Variants in RGS20 observed in about 807,000 individuals in gnomAD.
RGS20 encodes regulator of G protein signaling 20, also known as gz-selective GTPase-activating protein.
In RGS20, 30 loss-of-function variants were observed where a neutral mutation model predicts 33.6. That is an observed-to-expected ratio of 0.89 (90% CI 0.67 to 1.21). The LOEUF (loss-of-function observed/expected upper bound fraction) is 1.21. Among genes scored for constraint, RGS20 ranks in the 50% most tolerant of loss-of-function variants. The pLI is 0.00. For synonymous variants in RGS20, 208 were observed against 197.9 expected, an observed-to-expected ratio of 1.05 and a Z score of -0.43; for missense variants, 472 against 502.4, an observed-to-expected ratio of 0.94 and a Z score of 0.58.
chr8:53,890,102 G>C (rs181560020), intron 2 of RGS20, among the ~76,000 whole-genome samples: 47 of 152,148 alleles, frequency 3.1e-4, no homozygotes, highest in African/African-American at 1.0e-3. Context: ...TCACAGATAT[G>C]TTGGCCTTTT....
At chr8:53,895,105 G>A (rs575108883) in intron 2 of RGS20, among the ~76,000 whole-genome samples, 15 of 152,252 alleles carry the variant, frequency 9.9e-5, no homozygotes, top group Non-Finnish European at 1.9e-4. Context: ...GAGAAGTAGC[G>A]GGGATGCAGT....
At chr8:53,867,724 TTTCTTTCTTTCC>T (rs1285326144) in intron 1 of RGS20, among the ~76,000 whole-genome samples, 1 of 151,732 alleles carries the variant, frequency 6.6e-6, no homozygotes, top group Non-Finnish European at 1.5e-5. Flanking sequence ...TCTTTCCTTC[TTTCTTTCTTTCC>T]TTCTTTCTTT....
chr8:53,865,867 C>T (rs1218848186), intron 1 of RGS20, among the ~76,000 whole-genome samples: 2 of 152,178 alleles, frequency 1.3e-5, no homozygotes, highest in Non-Finnish European at 1.5e-5. Flanking sequence ...CTCAATGTTC[C>T]AAAGTACTGG....
chr8:53,891,813 G>A (rs1365874537), intron 2 of RGS20, among the ~76,000 whole-genome samples: 1 of 150,388 alleles, frequency 6.6e-6, no homozygotes, highest in Non-Finnish European at 1.5e-5. Context: ...AAGAAAAGAA[G>A]TATGTTATAA....
chr8:53,947,588 T>C (rs1389254939), intron 4 of RGS20, among the ~76,000 whole-genome samples: 1 of 121,736 alleles, frequency 8.2e-6, no homozygotes, highest in Non-Finnish European at 1.7e-5. Context: ...CATTTATATA[T>C]GCTATATATA....
At chr8:53,870,892 C>G (rs1400528131) in intron 1 of RGS20, among the ~76,000 whole-genome samples, 1 of 151,466 alleles carries the variant, frequency 6.6e-6, no homozygotes, top group Non-Finnish European at 1.5e-5. Flanking sequence ...GTAGGTGGTT[C>G]ACGAGCTCAG....
At chr8:53,949,291 A>G (rs1185477732) in intron 4 of RGS20, among the ~76,000 whole-genome samples, 1 of 148,048 alleles carries the variant, frequency 6.8e-6, no homozygotes, top group African/African-American at 2.5e-5. Context: ...ATATATTTAT[A>G]TATACTATAT....
rs537089884 is a variant in RGS20, at chr8:53,865,728, T to A, written c.166-13530T>A. 4.1e-4 allele frequency among the ~76,000 whole-genome samples: 63 copies of A among 152,304 alleles called. 1 individual carries two copies. Among genetic ancestry groups the A allele is most frequent in the African/African-American group, 1.3e-3 (55 of 41,568 alleles). On this transcript the variant is annotated intron_variant, in intron 1 of 5. Transcript: ENST00000297313. ...CTCAAGCTGTTCTCATGCCTCAGCC[T>A]CCTGAGTAGCTGAGATGACAGGTGT...
chr8:53,930,556 T>A (rs895076332), intron 2 of RGS20, among the ~76,000 whole-genome samples: 2 of 152,202 alleles, frequency 1.3e-5, no homozygotes, highest in Admixed American at 6.5e-5. Flanking sequence ...TGTTTTTTGT[T>A]TTTTGTTTTT....
intron 2 of RGS20, among the ~76,000 whole-genome samples, chr8:53,884,677 C>A (rs1812489169): frequency 6.6e-6 from 1 of 152,154 alleles, no homozygotes; most frequent in Non-Finnish European, 1.5e-5. Context: ...CTCTTACACA[C>A]CACACTGCTG....
At chr8:53,926,846 G>T (rs1813814535) in intron 2 of RGS20, among the ~76,000 whole-genome samples, 2 of 152,070 alleles carry the variant, frequency 1.3e-5, no homozygotes, top group South Asian at 4.1e-4. Flanking sequence ...CCAAGAGGCG[G>T]AGGTTACAGT....
At chr8:53,912,094 C>T (rs1389012512) in intron 2 of RGS20, among the ~76,000 whole-genome samples, 2 of 152,110 alleles carry the variant, frequency 1.3e-5, no homozygotes, top group African/African-American at 4.8e-5. Context: ...CACAAGACTG[C>T]AAATTCCTAT....
chr8:53,929,053 A>G (rs1279765011), intron 2 of RGS20, among the ~76,000 whole-genome samples: 1 of 152,198 alleles, frequency 6.6e-6, no homozygotes, highest in Non-Finnish European at 1.5e-5. Flanking sequence ...ACAATAAAAG[A>G]TGTTGTATGG....
intron 2 of RGS20, among the ~76,000 whole-genome samples, chr8:53,933,198 T>C (rs1446209580): frequency 6.6e-6 from 1 of 152,120 alleles, no homozygotes; most frequent in Non-Finnish European, 1.5e-5. Context: ...CCAGAATGTC[T>C]CTTCTACTCC....
intron 4 of RGS20, among the ~76,000 whole-genome samples, chr8:53,953,325 A>G (rs1814764283): frequency 6.6e-6 from 1 of 152,180 alleles, no homozygotes; most frequent in Non-Finnish European, 1.5e-5. Context: ...GTTTGAGAGC[A>G]GCCTAGGCAA....
At chr8:53,872,226 C>T (rs1206521360) in intron 1 of RGS20, among the ~76,000 whole-genome samples, 1 of 152,154 alleles carries the variant, frequency 6.6e-6, no homozygotes, top group African/African-American at 2.4e-5. Context: ...TTTACATGAC[C>T]TGTCCAAGTC....
At chr8:53,936,844 A>G (rs1814149080) in intron 2 of RGS20, among the ~76,000 whole-genome samples, 1 of 152,224 alleles carries the variant, frequency 6.6e-6, no homozygotes, top group Admixed American at 6.5e-5. Context: ...ACTTTAAACT[A>G]TACTACAATG....
At chr8:53,912,025 G>T (rs1038642160) in intron 2 of RGS20, among the ~76,000 whole-genome samples, 1 of 152,038 alleles carries the variant, frequency 6.6e-6, no homozygotes, top group Non-Finnish European at 1.5e-5. Context: ...ACTGGACAAA[G>T]ATGGCCAAAA....
At chr8:53,882,834 G>T (rs1563359862) in intron 2 of RGS20, among the ~76,000 whole-genome samples, 2 of 152,086 alleles carry the variant, frequency 1.3e-5, no homozygotes, top group Non-Finnish European at 2.9e-5. Flanking sequence ...CGGAGTGTGG[G>T]GAGGAAGGGG....
Sources: allele counts gnomAD v4.1 joint callset (sites outside exome capture counted in the v4.1 genomes callset), GRCh38; gene constraint gnomAD v4.1.1; transcripts MANE v1.5; gene names NCBI Gene and HGNC (gene_info 2026-07-23, HGNC 2026-07-21).